Variants in ZSCAN20 observed in about 807,000 individuals in gnomAD.
ZSCAN20 encodes the protein zinc finger and SCAN domain containing 20.
ZSCAN20 carries 39 observed loss-of-function variants against 97.1 expected under a neutral mutation model. That is an observed-to-expected ratio of 0.40 (90% CI 0.31 to 0.52). ZSCAN20 has a LOEUF of 0.52. ZSCAN20 is among the 20% of genes least tolerant of loss of function. The pLI, the probability that ZSCAN20 is intolerant of heterozygous loss-of-function variation, is 0.49. For synonymous variants in ZSCAN20, 456 were observed against 467.3 expected, an observed-to-expected ratio of 0.98 and a Z score of 0.31; for missense variants, 1,115 against 1,290.4, an observed-to-expected ratio of 0.86 and a Z score of 2.08.
At chr1:33,489,017 A>G in intron 3 of ZSCAN20, 98 bp from the exon 4 acceptor site, 1 of 995,254 alleles carries the variant, frequency 1.0e-6, no homozygotes, top group Non-Finnish European at 1.5e-6. Context: ...GGATAGCCCT[A>G]GCTTGATCCA....
chr1:33,476,646 T>G (rs944929194), intron 1 of ZSCAN20, among the ~76,000 whole-genome samples: 3 of 152,228 alleles, frequency 2.0e-5, no homozygotes, highest in Non-Finnish European at 2.9e-5. Context: ...TATAAATGAT[T>G]GATGAATTGC....
rs1652730923 is a variant in ZSCAN20, at chr1:33,493,989, G to A, written c.1874-229G>A. 6.6e-6 allele frequency among the ~76,000 whole-genome samples: 1 copy of A among 152,158 alleles called. No homozygotes were observed. Among genetic ancestry groups the A allele is most frequent in the Non-Finnish European group, 1.5e-5 (1 of 68,030 alleles). ...CTGAGCCCCATGGCTCACTTGGTGG[G>A]GTCACCATGTCCCAGAGTCCATTCC... is the stretch of plus-strand genomic sequence containing the variant. On this transcript the variant is annotated intron_variant, in intron 7 of 7. Transcript: ENST00000684572. This position sits in a 1 kb window ranked among gnomAD's most constrained non-coding sequence, Gnocchi z 4.3.
chr1:33,475,112 C>T (rs1311400794), intron 1 of ZSCAN20, among the ~76,000 whole-genome samples: 3 of 152,192 alleles, frequency 2.0e-5, no homozygotes, highest in African/African-American at 7.2e-5. Flanking sequence ...TTCTCCCGTA[C>T]TGTCATCTTA....
chr1:33,491,670 C>T lies in ZSCAN20; in HGVS notation c.1412C>T (p.Ala471Val), dbSNP rs201579925. The change falls in exon 6 of 8, where the codon GCA becomes GTA. Residue 471 changes from alanine to valine, a missense_variant. By Grantham distance (64) the Ala-to-Val change is moderately conservative. This residue lies in a region of ZSCAN20 where 508 missense variants were observed against 611.2 expected (regional missense o/e 0.83). Transcript: ENST00000684572. This position sits in a 1 kb window ranked among gnomAD's most constrained non-coding sequence, Gnocchi z 4.3. ...NVESTQGPRI[A>V]GAPALFQSRI... Reference sequence around the variant, plus strand: ...GAGTCTACCCAGGGGCCCAGGATTGCAGGGGCCCCAGCTCTGTTCCAGAGT... The same window carrying T: ...GAGTCTACCCAGGGGCCCAGGATTGTAGGGGCCCCAGCTCTGTTCCAGAGT... 1.1e-4 allele frequency: 176 copies of T among 1,609,134 alleles called. 1 individual carries two copies. The highest frequency in any genetic ancestry group is 1.4e-4 in the Non-Finnish European group (170 of 1,177,962).
chr1:33,480,790 A>G (rs1376404545), intron 2 of ZSCAN20, among the ~76,000 whole-genome samples: 4 of 152,248 alleles, frequency 2.6e-5, no homozygotes, highest in African/African-American at 9.6e-5. Flanking sequence ...CTGAAAGCCC[A>G]TGATATAATG....
chr1:33,487,515 T>C (rs1279409411), intron 2 of ZSCAN20, among the ~76,000 whole-genome samples: 1 of 152,068 alleles, frequency 6.6e-6, no homozygotes, highest in African/African-American at 2.4e-5. Flanking sequence ...TTTTTTTTTT[T>C]GCCTGAAATC....
At chr1:33,487,057 G>A (rs933853909) in intron 2 of ZSCAN20, among the ~76,000 whole-genome samples, 3 of 152,130 alleles carry the variant, frequency 2.0e-5, no homozygotes, top group African/African-American at 7.2e-5. Flanking sequence ...ATAAGTTTTT[G>A]TATAAAAAAG....
At position 33,491,483 on chromosome 1, in the gene ZSCAN20, G is replaced by T. The variant is rs769273104; in HGVS notation, c.1225G>T (p.Val409Phe). Reference protein sequence around the residue: ...CPFYEELEALVRARTAIRATD... With the variant: ...CPFYEELEALFRARTAIRATD... The stretch of plus-strand genomic sequence containing the variant: ...CTTCTATGAGGAGCTGGAGGCCCTG[G>T]TCAGGGCTCGGACAGCCATCAGAGC... Residue 409 changes from valine to phenylalanine, a missense_variant, in exon 6 of 8, where the codon GTC (valine) becomes TTC (phenylalanine). Val to Phe is a conservative substitution (Grantham distance 50, BLOSUM62 -1). This residue lies in a region of ZSCAN20 where 508 missense variants were observed against 611.2 expected (regional missense o/e 0.83). Transcript: ENST00000684572. The surrounding 1 kb of genome is among the most constrained non-coding windows in gnomAD (Gnocchi z 4.3). 1 of 1,614,132 alleles carries T rather than the reference G, an allele frequency of 6.2e-7. No homozygotes were observed. The highest frequency in any genetic ancestry group is 2.2e-5 in the East Asian group (1 of 44,882).
chr1:33,491,162 T>A lies in ZSCAN20; in HGVS notation c.904T>A (p.Trp302Arg). Residue 302 changes from tryptophan to arginine, a missense_variant, in exon 6 of 8, where the codon TGG (tryptophan) becomes AGG (arginine). Physicochemically the swap from Trp to Arg is moderately radical, Grantham distance 101 (BLOSUM62 -3). Around this residue, in one of 3 missense-constraint regions of ZSCAN20, gnomAD observed 508 missense variants for 611.2 expected, o/e 0.83. Transcript: ENST00000684572. This position sits in a 1 kb window ranked among gnomAD's most constrained non-coding sequence, Gnocchi z 4.3. The part of the protein sequence containing the change: ...LDNEPAQALT[W>R]RDSRAWEEQY... ...TAATGAGCCAGCTCAGGCATTGACC[T>A]GGAGGGATTCAAGAGCCTGGGAGGA... 6.2e-7 allele frequency: 1 copy of A among 1,614,000 alleles called. No homozygotes were observed. The highest frequency in any genetic ancestry group is 8.5e-7 in the Non-Finnish European group (1 of 1,180,018).
At position 33,496,751 on chromosome 1, in the gene ZSCAN20, C is replaced by T. The variant is rs1429659502; in HGVS notation, c.*1275C>T. On this transcript the variant is annotated 3_prime_UTR_variant, in exon 8 of 8. Transcript: ENST00000684572. ...GGTGGGAGGTGCTGGTGTATATGGTCATCTACTGAGAGGGCCTTGACCACT... is the reference window on the plus strand; with the variant it reads ...GGTGGGAGGTGCTGGTGTATATGGTTATCTACTGAGAGGGCCTTGACCACT... 6.6e-6 allele frequency among the ~76,000 whole-genome samples: 1 copy of T among 152,102 alleles called. No individual in the cohort carries two copies. The highest frequency in any genetic ancestry group is 1.5e-5 in the Non-Finnish European group (1 of 68,020).
rs758436213 is a variant in ZSCAN20, at chr1:33,495,015, A to C, written c.2671A>C (p.Ile891Leu). ...GRSFSKSSAL[I>L]SHQRIHTGEK... ...AAGCTTCTCTAAGAGCTCTGCCCTCATTAGTCACCAAAGAATCCATACGGG... is the reference window on the plus strand; with the variant it reads ...AAGCTTCTCTAAGAGCTCTGCCCTCCTTAGTCACCAAAGAATCCATACGGG... The change falls in exon 8 of 8, where the codon ATT becomes CTT. Residue 891 changes from isoleucine to leucine, a missense_variant. Coordinates refer to ENST00000684572, the MANE Select transcript of ZSCAN20 (RefSeq NM_001377376.1). The C allele has an allele frequency of 1.9e-6, 3 of 1,613,976 alleles. No homozygotes were observed. Among genetic ancestry groups the C allele is most frequent in the Non-Finnish European group, 2.5e-6 (3 of 1,179,984 alleles).
intron 2 of ZSCAN20, among the ~76,000 whole-genome samples, chr1:33,484,494 A>G (rs1325461856): frequency 6.6e-6 from 1 of 152,114 alleles, no homozygotes; most frequent in Non-Finnish European, 1.5e-5. Context: ...GGTTACATTA[A>G]TTGATTTTCA....
In ZSCAN20 at chr1:33,496,608, A is replaced by G. The variant is rs2148483577; in HGVS notation, c.*1132A>G. Reference sequence around the variant, plus strand: ...TCAGGGGACAGTCCTACTTCTTGCCATGCTTGGCTGATCATAGGTTAACCC... The same window carrying G: ...TCAGGGGACAGTCCTACTTCTTGCCGTGCTTGGCTGATCATAGGTTAACCC... On this transcript the variant is annotated 3_prime_UTR_variant, in exon 8 of 8. Transcript: ENST00000684572. The G allele has an allele frequency of 6.6e-6, 1 of 152,326 alleles. No homozygotes were observed. Among genetic ancestry groups the G allele is most frequent in the East Asian group, 1.9e-4 (1 of 5,178 alleles). 9.4% of individuals were successfully genotyped at this position (152,326 alleles called of 1,614,324 possible). A position where few individuals can be genotyped will look rare whatever the true frequency, so the allele number is the denominator to read the frequency against.
rs929390466 is a variant in ZSCAN20 at position 33,479,167 on chromosome 1, T to C, written c.-110-12T>C. 1.0e-5 allele frequency: 11 copies of C among 1,083,208 alleles called. No homozygotes were observed. In the African/African-American group the frequency reaches 1.4e-4, roughly 14 times the overall value. 67.1% of individuals were successfully genotyped at this position (1,083,208 alleles called of 1,614,324 possible). A position where few individuals can be genotyped will look rare whatever the true frequency, so the allele number is the denominator to read the frequency against. On this transcript the variant is annotated splice_polypyrimidine_tract_variant and intron_variant, in intron 1 of 7. Transcript: ENST00000684572. ...TTTTGCTCACACTCTATCCTTTGTCTTTCTGCCTTAGAGCCTTGGGGAGCA... is the reference window on the plus strand; with the variant it reads ...TTTTGCTCACACTCTATCCTTTGTCCTTCTGCCTTAGAGCCTTGGGGAGCA...
chr1:33,478,288 T>A (rs991276918), intron 1 of ZSCAN20, among the ~76,000 whole-genome samples: 1 of 152,094 alleles, frequency 6.6e-6, no homozygotes, highest in Non-Finnish European at 1.5e-5. Context: ...GATGATTCTC[T>A]GCACTGAAGT....
At position 33,490,673 on chromosome 1, in the gene ZSCAN20, ACACACACACAC is replaced by A. The variant is rs1394647430; in HGVS notation, c.767-344_767-334del. ...CAAACACACACACACACACACACAC[ACACACACACAC>A]CACACACCCTTTTCCTCCAGCCATG... On this transcript the variant is annotated intron_variant, in intron 5 of 7. Transcript: ENST00000684572. Among the ~76,000 whole-genome samples, 54 of 57,454 alleles carry A rather than the reference ACACACACACAC, an allele frequency of 9.4e-4. 1 individual carries two copies. In the East Asian group the frequency reaches 0.015, roughly 16 times the overall value. The allele number at this position is 57,454 out of a possible 152,430, so 37.7% of individuals were successfully genotyped here.
chr1:33,493,463 C>A lies in ZSCAN20; in HGVS notation c.1721C>A (p.Ala574Glu). The change falls in exon 7 of 8, where the codon GCA becomes GAA. Residue 574 changes from alanine (A) to glutamate (E), a missense_variant. Transcript: ENST00000684572. This position sits in a 1 kb window ranked among gnomAD's most constrained non-coding sequence, Gnocchi z 4.3. Reference sequence around the variant, plus strand: ...GACTCGCTGATGAGGGCTCGGGCTGCAGTCAGGGCCATGGGGACTGTCCGA... The same window carrying A: ...GACTCGCTGATGAGGGCTCGGGCTGAAGTCAGGGCCATGGGGACTGTCCGA... ...ELDSLMRARA[A>E]VRAMGTVREA... 1.9e-6 allele frequency: 3 copies of A among 1,614,208 alleles called. No individual in the cohort carries two copies. Among genetic ancestry groups the A allele is most frequent in the Non-Finnish European group, 2.5e-6 (3 of 1,180,036 alleles).
rs770207105 is a variant in ZSCAN20 at position 33,495,311 on chromosome 1, CAG to C, written c.2972_2973del (p.Glu991ValfsTer6). 6 of 1,613,030 alleles carry C rather than the reference CAG, an allele frequency of 3.7e-6. No homozygotes were observed. The highest frequency in any genetic ancestry group is 2.2e-5 in the South Asian group (2 of 90,888). On this transcript the variant is annotated frameshift_variant, in exon 8 of 8. Transcript: ENST00000684572. LOFTEE classifies it high-confidence loss of function. ...IHTGEKPYKC[R>X]ECGKCFNQSS... ...ATACGGGAGAGAAGCCGTATAAGTG[CAG>C]AGAGTGTGGGAAATGCTTTAACCAG...
At chr1:33,486,688 G>C (rs1652380605) in intron 2 of ZSCAN20, among the ~76,000 whole-genome samples, 1 of 152,204 alleles carries the variant, frequency 6.6e-6, no homozygotes, top group African/African-American at 2.4e-5. Flanking sequence ...TGGAGGCACT[G>C]GGGTTGAGAG....
Sources: allele counts gnomAD v4.1 joint callset (sites outside exome capture counted in the v4.1 genomes callset), GRCh38; gene constraint gnomAD v4.1.1; regional missense constraint gnomAD v4.1.1; non-coding constraint Gnocchi (gnomAD v3.1); transcripts MANE v1.5; gene names NCBI Gene and HGNC (gene_info 2026-07-23, HGNC 2026-07-21).